Variants in BTBD8 observed in about 807,000 individuals in gnomAD.
The protein encoded by BTBD8 is BTB domain containing 8.
Under a neutral mutation model 162.9 loss-of-function variants are expected in BTBD8, and 110 were observed. The ratio of observed to expected loss-of-function variants is 0.68; its 90% confidence interval spans 0.58 to 0.79. The LOEUF (loss-of-function observed/expected upper bound fraction) is 0.79, where lower values mean the gene tolerates loss of function less well. Ranked by LOEUF, BTBD8 falls within the 30% of genes least tolerant of loss-of-function variation. The probability of loss-of-function intolerance (pLI) is 0.00; values close to 1 mark genes in which losing one functional copy is unlikely to be tolerated. For synonymous variants in BTBD8, 667 were observed against 716.1 expected, an observed-to-expected ratio of 0.93 and a Z score of 1.10; for missense variants, 1,905 against 2,085.4, an observed-to-expected ratio of 0.91 and a Z score of 1.68.
intron 9 of BTBD8, among the ~76,000 whole-genome samples, chr1:92,158,044 T>C (rs1449005582): frequency 1.3e-5 from 2 of 152,206 alleles, no homozygotes; most frequent in Non-Finnish European, 2.9e-5. Context: ...TTGTTTGATA[T>C]GGTATAGCCA....
chr1:92,179,434 T>C (rs550189511), intron 16 of BTBD8, among the ~76,000 whole-genome samples: 1 of 152,228 alleles, frequency 6.6e-6, no homozygotes, highest in South Asian at 2.1e-4. Flanking sequence ...ATTGCTTTTA[T>C]GTATCAAGCA....
intron 12 of BTBD8, among the ~76,000 whole-genome samples, 197 bp from the exon 13 acceptor site, chr1:92,171,202 T>G (rs1361874480): frequency 6.6e-6 from 1 of 152,074 alleles, no homozygotes; most frequent in Non-Finnish European, 1.5e-5. Flanking sequence ...GGCCAGAGAA[T>G]AAGATAGAAA....
intron 1 of BTBD8, among the ~76,000 whole-genome samples, chr1:92,082,440 G>A (rs1456249559): frequency 1.3e-5 from 2 of 152,138 alleles, no homozygotes; most frequent in African/African-American, 4.8e-5. Context: ...AGAGGAAATG[G>A]CTAAATAAAA....
intron 1 of BTBD8, among the ~76,000 whole-genome samples, chr1:92,088,337 C>G (rs1455259044): frequency 6.6e-6 from 1 of 152,022 alleles, no homozygotes; most frequent in Non-Finnish European, 1.5e-5. Context: ...ATGATCATGT[C>G]AACTTTGCAT....
intron 4 of BTBD8, among the ~76,000 whole-genome samples, chr1:92,109,804 C>G (rs1295024553): frequency 6.6e-6 from 1 of 152,182 alleles, no homozygotes; most frequent in African/African-American, 2.4e-5. Flanking sequence ...TCAATTACTT[C>G]TTGTTCTAGA....
intron 13 of BTBD8, among the ~76,000 whole-genome samples, chr1:92,175,362 C>G (rs1650679497): frequency 6.7e-6 from 1 of 148,252 alleles, no homozygotes; most frequent in Non-Finnish European, 1.5e-5. Flanking sequence ...GCCTGTAGTC[C>G]CAGCTACTCG....
At chr1:92,096,010 C>T (rs953537906) in intron 2 of BTBD8, among the ~76,000 whole-genome samples, 2 of 151,478 alleles carry the variant, frequency 1.3e-5, no homozygotes, top group Admixed American at 6.6e-5. Flanking sequence ...CTTGCTCTGT[C>T]ACCCAGGCTG....
chr1:92,181,792 A>C lies in BTBD8; in HGVS notation c.4109A>C (p.Gln1370Pro), dbSNP rs1650916698. 3.2e-6 allele frequency: 5 copies of C among 1,551,144 alleles called. No homozygotes were observed. The highest frequency in any genetic ancestry group is 4.4e-6 in the Non-Finnish European group (5 of 1,146,922). ...ERENIPRGSV[Q>P]FAQEIDQVSS... ...GAAAATATTCCACGAGGCAGTGTCC[A>C]GTTTGCTCAGGAAATAGATCAGGTA... The change falls in exon 17 of 18, where the codon CAG becomes CCG. Residue 1370 changes from glutamine (Q) to proline (P), a missense_variant. By Grantham distance (76) the Gln-to-Pro change is moderately conservative. Around this residue, in one of 3 missense-constraint regions of BTBD8, gnomAD observed 517 missense variants for 606.6 expected, o/e 0.85. Transcript: ENST00000636805.
intron 4 of BTBD8, chr1:92,115,281 G>C (rs192525313): frequency 2.1e-6 from 1 of 465,256 alleles, no homozygotes; most frequent in Admixed American, 2.8e-5. Flanking sequence ...CATGGACTGT[G>C]ATCCTGATTC....
At chr1:92,130,996 G>T (rs1028478511) in intron 5 of BTBD8, among the ~76,000 whole-genome samples, 1 of 152,212 alleles carries the variant, frequency 6.6e-6, no homozygotes, top group Admixed American at 6.5e-5. Flanking sequence ...GAGCTACTGC[G>T]CTTGGCCTAC....
rs2101913087 is a variant in BTBD8, at chr1:92,114,060, A to T, written c.662+6059A>T. On this transcript the variant is annotated intron_variant, in intron 4 of 17. Coordinates refer to ENST00000636805, the MANE Select transcript of BTBD8 (RefSeq NM_001376131.1). Reference sequence around the variant, plus strand: ...AGAGGGGTATATTCTCATGACTGCTACACATATAAATCATGACATGCTATG... The same window carrying T: ...AGAGGGGTATATTCTCATGACTGCTTCACATATAAATCATGACATGCTATG... 2.0e-5 allele frequency among the ~76,000 whole-genome samples: 3 copies of T among 151,800 alleles called. No individual in the cohort carries two copies. The South Asian group carries it at 6.3e-4, about 32-fold the overall frequency.
chr1:92,166,655 C>T (rs190985206), intron 9 of BTBD8, among the ~76,000 whole-genome samples: 39 of 152,000 alleles, frequency 2.6e-4, no homozygotes, highest in Admixed American at 2.2e-3. Context: ...GAACTCCTAA[C>T]CTCAAGTGAT....
intron 15 of BTBD8, among the ~76,000 whole-genome samples, 177 bp downstream of exon 15, chr1:92,178,075 G>A (rs538537953): frequency 6.6e-6 from 1 of 151,934 alleles, no homozygotes; most frequent in East Asian, 1.9e-4. Context: ...AAATGATTGA[G>A]GCACAATATT....
chr1:92,123,212 C>G (rs183353011), intron 4 of BTBD8, among the ~76,000 whole-genome samples: 1 of 152,312 alleles, frequency 6.6e-6, no homozygotes, highest in East Asian at 1.9e-4. Flanking sequence ...TATATGTCCA[C>G]CCTTATGTCA....
At chr1:92,175,107 G>A (rs976231271) in intron 13 of BTBD8, among the ~76,000 whole-genome samples, 9 of 151,938 alleles carry the variant, frequency 5.9e-5, no homozygotes, top group Admixed American at 5.9e-4. Flanking sequence ...AAGATGAAGA[G>A]AGCACAGGCT....
intron 4 of BTBD8, among the ~76,000 whole-genome samples, chr1:92,127,834 T>C (rs1030766750): frequency 2.0e-5 from 3 of 152,170 alleles, no homozygotes. Context: ...GTGTTGGGAT[T>C]ACAGGTGTGA....
At chr1:92,172,198 T>C (rs1650565971) in intron 13 of BTBD8, among the ~76,000 whole-genome samples, 2 of 152,242 alleles carry the variant, frequency 1.3e-5, no homozygotes, top group African/African-American at 4.8e-5. Flanking sequence ...TTACTTGGTA[T>C]ACTTTTATGA....
intron 17 of BTBD8, among the ~76,000 whole-genome samples, chr1:92,183,155 A>G (rs144276229): frequency 0.016 from 2,475 of 152,262 alleles, 40 homozygotes; most frequent in Non-Finnish European, 0.022. Flanking sequence ...TTTAGAAGCA[A>G]TGATAATATA....
At chr1:92,155,584 C>T (rs948953773) in intron 9 of BTBD8, among the ~76,000 whole-genome samples, 1 of 152,174 alleles carries the variant, frequency 6.6e-6, no homozygotes, top group Non-Finnish European at 1.5e-5. Flanking sequence ...GGATTACAGG[C>T]ATAAGCCACT....
Sources: allele counts gnomAD v4.1 joint callset (sites outside exome capture counted in the v4.1 genomes callset), GRCh38; gene constraint gnomAD v4.1.1; regional missense constraint gnomAD v4.1.1; transcripts MANE v1.5; gene names NCBI Gene and HGNC (gene_info 2026-07-23, HGNC 2026-07-21).